Variants in RANBP2 observed in about 807,000 individuals in gnomAD.
RANBP2 encodes the protein E3 SUMO-protein ligase RanBP2.
A neutral mutation model predicts 303.6 loss-of-function variants in RANBP2; 57 were observed. The observed-to-expected ratio is 0.19, with a 90% CI of 0.15 to 0.23. The LOEUF (loss-of-function observed/expected upper bound fraction) is 0.23. Ranked by LOEUF, RANBP2 falls within the 10% of genes least tolerant of loss-of-function variation. The probability of loss-of-function intolerance (pLI) is 1.00; values close to 1 mark genes in which losing one functional copy is unlikely to be tolerated. For missense variants in RANBP2, 3,138 were observed against 3,780.8 expected, an observed-to-expected ratio of 0.83 and a Z score of 4.46; for synonymous variants, 1,167 against 1,301.5, an observed-to-expected ratio of 0.90 and a Z score of 2.23.
At chr2:108,863,562 A>G in the RANBP2 span, among the ~76,000 whole-genome samples, 1 of 152,190 alleles carries the variant, frequency 6.6e-6, no homozygotes, top group African/African-American at 2.4e-5. Context: ...GGGGTTTTTT[A>G]TGTAGTAAAA....
the RANBP2 span, among the ~76,000 whole-genome samples, chr2:108,881,850 T>A: frequency 6.6e-6 from 1 of 152,112 alleles, no homozygotes. Context: ...AATAGTAACA[T>A]CAGAGATTAT....
chr2:108,937,523 G>C, the RANBP2 span, among the ~76,000 whole-genome samples: 1 of 152,048 alleles, frequency 6.6e-6, no homozygotes, highest in African/African-American at 2.4e-5. Flanking sequence ...ATGTGTAAGT[G>C]TAGGTGAGTG....
chr2:109,459,726 G>T, the RANBP2 span, among the ~76,000 whole-genome samples: 1 of 152,130 alleles, frequency 6.6e-6, no homozygotes, highest in African/African-American at 2.4e-5. Flanking sequence ...CAGCTCAATG[G>T]AATCATTGTC....
At chr2:109,462,021 C>T in the RANBP2 span, among the ~76,000 whole-genome samples, 1 of 151,974 alleles carries the variant, frequency 6.6e-6, no homozygotes, top group East Asian at 1.9e-4. Context: ...CCCCACACCA[C>T]CAAACCCCTA....
chr2:109,571,393 T>C, the RANBP2 span, among the ~76,000 whole-genome samples: 1 of 152,340 alleles, frequency 6.6e-6, no homozygotes, highest in African/African-American at 2.4e-5. Flanking sequence ...TTATAGCCTA[T>C]GACACACCTA....
At chr2:109,657,425 G>T in the RANBP2 span, among the ~76,000 whole-genome samples, 4 of 152,110 alleles carry the variant, frequency 2.6e-5, no homozygotes. Context: ...TCCAGCCTGG[G>T]CAACGGAGTG....
the RANBP2 span, among the ~76,000 whole-genome samples, chr2:109,166,688 A>G: frequency 1.3e-5 from 2 of 152,202 alleles, no homozygotes; most frequent in Non-Finnish European, 2.9e-5. Context: ...AAAGACCTGA[A>G]GTTCTTTTTC....
chr2:109,635,727 G>A, the RANBP2 span, among the ~76,000 whole-genome samples: 1 of 152,180 alleles, frequency 6.6e-6, no homozygotes, highest in African/African-American at 2.4e-5. Context: ...AGTACTCTGT[G>A]CCTCAAAAAG....
At chr2:109,242,964 G>A in the RANBP2 span, among the ~76,000 whole-genome samples, 1 of 152,260 alleles carries the variant, frequency 6.6e-6, no homozygotes, top group African/African-American at 2.4e-5. Flanking sequence ...GTGTGAGGCT[G>A]AGTCGGACTT....
the RANBP2 span, among the ~76,000 whole-genome samples, chr2:109,708,664 T>A: frequency 2.6e-5 from 4 of 151,664 alleles, no homozygotes; most frequent in Admixed American, 6.6e-5. Flanking sequence ...ATAAATAAAT[T>A]AATTAATTAA....
At chr2:109,350,621 T>A in the RANBP2 span, among the ~76,000 whole-genome samples, 2 of 152,204 alleles carry the variant, frequency 1.3e-5, no homozygotes, top group African/African-American at 4.8e-5. Context: ...CCAAGAGACA[T>A]GGGCAACTCC....
chr2:109,147,442 C>T, the RANBP2 span, among the ~76,000 whole-genome samples: 1 of 152,298 alleles, frequency 6.6e-6, no homozygotes, highest in Non-Finnish European at 1.5e-5. Flanking sequence ...ACTAGAGAAA[C>T]ATCATATCTG....
At chr2:109,495,411 G>C in the RANBP2 span, among the ~76,000 whole-genome samples, 1 of 150,172 alleles carries the variant, frequency 6.7e-6, no homozygotes, top group African/African-American at 2.5e-5. Context: ...GTATCGTAGA[G>C]AGGCTTTGAG....
the RANBP2 span, chr2:109,251,448 G>GA: frequency 2.4e-4 from 172 of 722,186 alleles, 1 homozygote; most frequent in South Asian, 2.1e-3. Flanking sequence ...CTCCCGAGTT[G>GA]AAAAAATCTA....
chr2:109,760,505 G>C, the RANBP2 span: 1 of 965,732 alleles, frequency 1.0e-6, no homozygotes, highest in Non-Finnish European at 1.2e-6. Context: ...CGCGCAAGCC[G>C]GGGAGCGGGT....
the RANBP2 span, chr2:109,665,804 T>G: frequency 6.6e-6 from 1 of 151,908 alleles, no homozygotes; most frequent in Non-Finnish European, 1.5e-5. Flanking sequence ...ATATTTGTCA[T>G]AAATAAATAG....
the RANBP2 span, among the ~76,000 whole-genome samples, chr2:108,831,105 G>A: frequency 6.6e-6 from 1 of 152,166 alleles, no homozygotes; most frequent in East Asian, 1.9e-4. Context: ...AACCCCGGAG[G>A]CAGAAGTTTC....
chr2:108,867,900 G>A, the RANBP2 span, among the ~76,000 whole-genome samples: 1 of 152,146 alleles, frequency 6.6e-6, no homozygotes, highest in Non-Finnish European at 1.5e-5. Context: ...GTTACTATCT[G>A]GGAGCTGAGG....
the RANBP2 span, among the ~76,000 whole-genome samples, chr2:109,679,121 A>C: frequency 6.6e-6 from 1 of 152,184 alleles, no homozygotes; most frequent in Non-Finnish European, 1.5e-5. Flanking sequence ...GCTCTTCAGC[A>C]CTCTGCCTGG....
Sources: gnomAD v4.1 joint callset for allele counts (sites outside exome capture counted in the v4.1 genomes callset) on GRCh38, gnomAD v4.1.1 for gene constraint, MANE v1.5 for transcripts, NCBI Gene and HGNC (gene_info 2026-07-23, HGNC 2026-07-21) for gene names.